The following GFM1 variants were observed in gnomAD, a reference collection of about 807,000 sequenced individuals.
GFM1 encodes G elongation factor mitochondrial 1.
A neutral mutation model predicts 96.2 loss-of-function variants in GFM1; 62 were observed. The observed-to-expected ratio is 0.64, with a 90% CI of 0.53 to 0.80. The LOEUF (loss-of-function observed/expected upper bound fraction) is 0.80, where lower values mean the gene tolerates loss of function less well. Among genes scored for constraint, GFM1 ranks in the 30% least tolerant of loss-of-function variants. The probability of loss-of-function intolerance (pLI) is 0.00; values close to 1 mark genes in which losing one functional copy is unlikely to be tolerated. For missense variants in GFM1, 852 were observed against 916.6 expected (o/e 0.93, Z 0.91); for synonymous variants, 282 against 312.9 (o/e 0.90, Z 1.04).
intron 13 of GFM1, among the ~76,000 whole-genome samples, chr3:158,675,725 A>T (rs1724828459): frequency 6.6e-6 from 1 of 152,180 alleles, no homozygotes; most frequent in African/African-American, 2.4e-5. Context: ...GTGTTAACTA[A>T]AATTATAATT....
chr3:158,673,652 C>G (rs560739192), intron 13 of GFM1, among the ~76,000 whole-genome samples: 6 of 151,798 alleles, frequency 4.0e-5, no homozygotes, highest in African/African-American at 1.5e-4. Flanking sequence ...GCTGGGATTA[C>G]AGGTGCCCAC....
chr3:158,689,519 A>G (rs182102495), intron 15 of GFM1, among the ~76,000 whole-genome samples: 1 of 152,246 alleles, frequency 6.6e-6, no homozygotes, highest in East Asian at 1.9e-4. Context: ...GACAAAAATT[A>G]TTTTCTTATA....
intron 8 of GFM1, chr3:158,655,733 T>C (rs887453727): frequency 1.1e-5 from 4 of 377,756 alleles, no homozygotes; most frequent in South Asian, 6.4e-5. Flanking sequence ...TAATACACAC[T>C]GTCACAACTA....
intron 16 of GFM1, 123 bp downstream of exon 16, chr3:158,690,446 T>C (rs1262382489): frequency 1.1e-6 from 1 of 887,474 alleles, no homozygotes; most frequent in African/African-American, 1.7e-5. Flanking sequence ...ACATGTGGCA[T>C]TTTCTGTAAT....
chr3:158,669,477 C>A, intron 13 of GFM1: 1 of 1,613,854 alleles, frequency 6.2e-7, no homozygotes, highest in Non-Finnish European at 8.5e-7. Flanking sequence ...GGACTTAAGT[C>A]TTTGATAAAA....
intron 14 of GFM1, among the ~76,000 whole-genome samples, chr3:158,683,481 A>G (rs1038077057): frequency 1.7e-4 from 26 of 152,234 alleles, no homozygotes; most frequent in African/African-American, 6.3e-4. Flanking sequence ...TACTTCAACA[A>G]AGCTATTCTT....
At position 158,692,254 on chromosome 3, in the gene GFM1, A is replaced by T. The variant is rs1350067326; in HGVS notation, c.*787A>T. On this transcript the variant is annotated 3_prime_UTR_variant, in exon 18 of 18. Transcript: ENST00000486715. ...TGTGGTCTATTGTGAAGTAAAAAGT[A>T]GACCCTTGCATATACTATTCTTGTT... 2 of 152,280 alleles carry T rather than the reference A, an allele frequency of 1.3e-5. No individual in the cohort carries two copies. The highest frequency in any genetic ancestry group is 2.9e-5 in the Non-Finnish European group (2 of 68,066). The allele number at this position is 152,280 out of a possible 1,614,324, so 9.4% of individuals were successfully genotyped here.
At chr3:158,654,353 A>G (rs1414650063) in intron 7 of GFM1, among the ~76,000 whole-genome samples, 194 bp from the exon 8 acceptor site, 3 of 151,816 alleles carry the variant, frequency 2.0e-5, no homozygotes, top group East Asian at 1.9e-4. Flanking sequence ...TGTGGGCATT[A>G]TAGGCATGAG....
Position 158,658,971 on chromosome 3 carries a change from T to C in GFM1, c.1133T>C (p.Leu378Pro). ...LTYVRSYQGE[L>P]KKGDTIYNTR... ...TATGTTCGCAGTTATCAGGGAGAGC[T>C]AAAGAAGGGTGACACCATCTATAAC... The change falls in exon 9 of 18, where the codon CTA (leucine) becomes CCA (proline). Residue 378 changes from leucine to proline, a missense_variant. By Grantham distance (98) the Leu-to-Pro change is moderately conservative. Coordinates refer to ENST00000486715, the MANE Select transcript of GFM1 (RefSeq NM_024996.7). 1.2e-6 allele frequency: 2 copies of C among 1,614,120 alleles called. No homozygotes were observed. The highest frequency in any genetic ancestry group is 1.7e-6 in the Non-Finnish European group (2 of 1,180,004).
chr3:158,689,122 TTAAATG>T (rs1203336376), intron 15 of GFM1, among the ~76,000 whole-genome samples: 1 of 152,230 alleles, frequency 6.6e-6, no homozygotes, highest in Non-Finnish European at 1.5e-5. Flanking sequence ...AACTTCCAAA[TTAAATG>T]TAAATGTTTG....
At chr3:158,681,709 A>G (rs1034874489) in intron 13 of GFM1, among the ~76,000 whole-genome samples, 15 of 152,214 alleles carry the variant, frequency 9.9e-5, no homozygotes, top group African/African-American at 3.4e-4. Flanking sequence ...TATTAGAACA[A>G]GAACCTTAGA....
intron 8 of GFM1, 77 bp downstream of exon 8, chr3:158,654,708 G>C (rs1177095347): frequency 2.1e-6 from 2 of 971,524 alleles, no homozygotes; most frequent in Non-Finnish European, 3.3e-6. Flanking sequence ...ATTACAGAAT[G>C]ACTCTGACTT....
In GFM1 at chr3:158,665,413, CTG is replaced by C; in HGVS notation, c.1458_1459del (p.Asn488GlnfsTer48). ...CCCACATTTAAAGTATACTTTGACA[CTG>C]AGAACAAAGAGACAGTTATATCTGG... On this transcript the variant is annotated frameshift_variant, in exon 12 of 18. Transcript: ENST00000486715. LOFTEE classifies it high-confidence loss of function. 1 of 1,609,458 alleles carries C rather than the reference CTG, an allele frequency of 6.2e-7. No homozygotes were observed.
chr3:158,646,725 A>G lies in GFM1; in HGVS notation c.368-18A>G, dbSNP rs185654103. ...TCAGATTGCTCTTTAAGACCCTCTC[A>G]TACTTCATCTTATTCAGGGCATGTG... On this transcript the variant is annotated intron_variant, in intron 3 of 17. Coordinates refer to ENST00000486715, the MANE Select transcript of GFM1 (RefSeq NM_024996.7). 8.2e-4 allele frequency: 1,324 copies of G among 1,605,312 alleles called. 10 individuals are homozygous for G. In the African/African-American group the frequency reaches 0.016, roughly 19 times the overall value.
At chr3:158,646,608 G>A (rs1721824924) in intron 3 of GFM1, 135 bp from the exon 4 acceptor site, 1 of 848,932 alleles carries the variant, frequency 1.2e-6, no homozygotes, top group South Asian at 1.5e-5. Context: ...TTGGTGAATA[G>A]TATTGGTGAG....
In GFM1 at chr3:158,644,659, G is replaced by C. The variant is rs758378925; in HGVS notation, c.25G>C (p.Val9Leu). 1.3e-6 allele frequency: 2 copies of C among 1,575,750 alleles called. No individual in the cohort carries two copies. The change falls in exon 1 of 18, where the codon GTC becomes CTC. Residue 9 changes from valine (V) to leucine (L), a missense_variant. Transcript: ENST00000486715. ...CATGAGACTCCTGGGAGCTGCAGCC[G>C]TCGCGGCTCTGGGGCGCGGAAGGGC... MRLLGAAA[V>L]AALGRGRAPA...
chr3:158,677,076 A>G (rs892844960), intron 13 of GFM1, among the ~76,000 whole-genome samples: 31 of 152,282 alleles, frequency 2.0e-4, no homozygotes, highest in African/African-American at 6.7e-4. Flanking sequence ...TAATATTTCA[A>G]ACTTTTTCAT....
At chr3:158,675,850 C>T (rs1257927025) in intron 13 of GFM1, among the ~76,000 whole-genome samples, 1 of 152,174 alleles carries the variant, frequency 6.6e-6, no homozygotes, top group Non-Finnish European at 1.5e-5. Flanking sequence ...AAGAGAGTTT[C>T]AGTTTACCTT....
At chr3:158,660,393 C>T (rs1336216044) in intron 9 of GFM1, 1 of 159,156 alleles carries the variant, frequency 6.3e-6, no homozygotes, top group Non-Finnish European at 1.4e-5. Flanking sequence ...ATTACAGGCA[C>T]CCACCACCAT....
Sources: gnomAD v4.1 joint callset for allele counts (sites outside exome capture counted in the v4.1 genomes callset) on GRCh38, gnomAD v4.1.1 for gene constraint, MANE v1.5 for transcripts, NCBI Gene and HGNC (gene_info 2026-07-23, HGNC 2026-07-21) for gene names.